PCDHGA2: variants seen among roughly 807,000 people sequenced by gnomAD.
The protein encoded by PCDHGA2 is protocadherin gamma-A2.
Under a neutral mutation model 59.2 loss-of-function variants are expected in PCDHGA2, and 40 were observed. The ratio of observed to expected loss-of-function variants is 0.68; its 90% confidence interval spans 0.52 to 0.88. PCDHGA2 has a LOEUF of 0.88. Among genes scored for constraint, PCDHGA2 ranks in the 40% least tolerant of loss-of-function variants. PCDHGA2 has a pLI of 0.00. For synonymous variants in PCDHGA2, 560 were observed against 526.0 expected (o/e 1.06, Z -0.89); for missense variants, 1,226 against 1,204.0 (o/e 1.02, Z -0.27).
chr5:141,450,851 G>T (rs1184272833), intron 1 of PCDHGA2, among the ~76,000 whole-genome samples: 1 of 142,602 alleles, frequency 7.0e-6, no homozygotes, highest in Non-Finnish European at 1.5e-5. Context: ...TTGAGATGGG[G>T]TCTTGCTCTG....
intron 1 of PCDHGA2, chr5:141,390,882 G>C (rs892294372): frequency 6.5e-6 from 1 of 152,824 alleles, no homozygotes; most frequent in Admixed American, 6.5e-5. Flanking sequence ...GTGTGTGTGT[G>C]TGTGTGAGAG....
chr5:141,374,158 G>A (rs1471227184), intron 1 of PCDHGA2: 6 of 1,612,290 alleles, frequency 3.7e-6, no homozygotes, highest in African/African-American at 1.3e-5. Context: ...CGCTGTGGGG[G>A]GCCGCGGCAG....
At chr5:141,362,608 T>C in intron 1 of PCDHGA2, 1 of 1,564,044 alleles carries the variant, frequency 6.4e-7, no homozygotes, top group Non-Finnish European at 8.7e-7. Flanking sequence ...TTCACCTAAT[T>C]TGGGTAGGAA....
intron 1 of PCDHGA2, chr5:141,362,678 T>C: frequency 8.3e-7 from 1 of 1,209,742 alleles, no homozygotes; most frequent in Admixed American, 2.9e-5. Flanking sequence ...GCCTTAATTG[T>C]CTTAATCTTA....
chr5:141,394,152 G>A lies in PCDHGA2; in HGVS notation c.2424+52757G>A, dbSNP rs141035845. 5.0e-3 allele frequency: 8,040 copies of A among 1,613,782 alleles called. 48 individuals are homozygous for A. Among genetic ancestry groups the A allele is most frequent in the Admixed American group, 9.4e-3 (566 of 59,984 alleles). On this transcript the variant is annotated intron_variant, in intron 1 of 3. Coordinates refer to ENST00000394576, the MANE Select transcript of PCDHGA2 (RefSeq NM_018915.4). ...CGCTCTGCACGTGGCAGACATTAAC[G>A]ACAACCCTCCTACTTTCCCTCATGC...
chr5:141,393,584 A>G, intron 1 of PCDHGA2: 1 of 1,613,892 alleles, frequency 6.2e-7, no homozygotes, highest in African/African-American at 1.3e-5. Context: ...ACATGCCCCC[A>G]GGCACGCGGC....
Position 141,485,665 on chromosome 5 carries a change from C to G in PCDHGA2, c.2425-9142C>G. ...AGGCTCAGGATGCAGATGTGGGGAG[C>G]AATTCGATTAGCAGCTATAGGCTGA... On this transcript the variant is annotated intron_variant, in intron 1 of 3. Coordinates refer to ENST00000394576, the MANE Select transcript of PCDHGA2 (RefSeq NM_018915.4). This position sits in a 1 kb window ranked among gnomAD's most constrained non-coding sequence, Gnocchi z 5.7. 1 of 1,612,622 alleles carries G rather than the reference C, an allele frequency of 6.2e-7. No individual in the cohort carries two copies.
intron 1 of PCDHGA2, chr5:141,360,343 G>A (rs1761549826): frequency 6.2e-7 from 1 of 1,613,806 alleles, no homozygotes; most frequent in African/African-American, 1.3e-5. Flanking sequence ...GCGGGTTAGC[G>A]CGGAGAAGGA....
At chr5:141,445,808 T>A (rs1004030960) in intron 1 of PCDHGA2, among the ~76,000 whole-genome samples, 1 of 152,182 alleles carries the variant, frequency 6.6e-6, no homozygotes, top group Non-Finnish European at 1.5e-5. Flanking sequence ...AATAAATAGA[T>A]GAAACTAATA....
At chr5:141,472,412 G>C (rs1283620276) in intron 1 of PCDHGA2, among the ~76,000 whole-genome samples, 1 of 152,058 alleles carries the variant, frequency 6.6e-6, no homozygotes, top group Non-Finnish European at 1.5e-5. Context: ...GTGGTGGCAC[G>C]CACCTGTATC....
intron 1 of PCDHGA2, chr5:141,407,873 A>G (rs561323423): frequency 2.0e-5 from 7 of 354,686 alleles, no homozygotes; most frequent in African/African-American, 1.3e-4. Context: ...CGAAGAATAT[A>G]TACATTTCGG....
chr5:141,420,318 T>C, intron 1 of PCDHGA2: 1 of 1,446,376 alleles, frequency 6.9e-7, no homozygotes, highest in Non-Finnish European at 9.3e-7. Context: ...TATTACAATA[T>C]GCCAATATAT....
At chr5:141,350,187 C>T (rs1487170338) in intron 1 of PCDHGA2, 9 of 1,358,066 alleles carry the variant, frequency 6.6e-6, no homozygotes, top group Non-Finnish European at 8.8e-6. Context: ...GCTCAAATCA[C>T]AGAAGTCCAG....
chr5:141,468,282 G>A (rs1368214716), intron 1 of PCDHGA2, among the ~76,000 whole-genome samples: 1 of 140,012 alleles, frequency 7.1e-6, no homozygotes, highest in African/African-American at 2.7e-5. Context: ...CCGAGACCAC[G>A]CCATTGCACC....
rs779656906 is a variant in PCDHGA2 at position 141,476,872 on chromosome 5, C to T, written c.2425-17935C>T. On this transcript the variant is annotated intron_variant, in intron 1 of 3. Transcript: ENST00000394576. The surrounding 1 kb of genome is among the most constrained non-coding windows in gnomAD (Gnocchi z 7.6). ...TCAACCAGTCCTTGTACCGGGCGCG[C>T]GTCCTGGAGGATGCACCCTCCGGCA... 1.6e-4 allele frequency: 254 copies of T among 1,613,734 alleles called. No individual in the cohort carries two copies. The highest frequency in any genetic ancestry group is 2.1e-4 in the Non-Finnish European group (248 of 1,180,054).
At chr5:141,436,053 A>G (rs971342534) in intron 1 of PCDHGA2, among the ~76,000 whole-genome samples, 2 of 152,232 alleles carry the variant, frequency 1.3e-5, no homozygotes, top group African/African-American at 2.4e-5. Flanking sequence ...TAGTTTTCAA[A>G]TAGAATTTAA....
Position 141,372,197 on chromosome 5 carries a change from C to T in PCDHGA2, c.2424+30802C>T, listed in dbSNP as rs57763341. 308 of 1,613,590 alleles carry T rather than the reference C, an allele frequency of 1.9e-4. No individual in the cohort carries two copies. The East Asian group carries it at 3.9e-3, about 20-fold the overall frequency. On this transcript the variant is annotated intron_variant, in intron 1 of 3. Transcript: ENST00000394576. ...CGGTGGACGCAGACTCGGGATACAA[C>T]GCCTGGCTGTCCTACCACATTGTGC... is the stretch of plus-strand genomic sequence containing the variant.
At chr5:141,434,338 G>A (rs1037038534) in intron 1 of PCDHGA2, among the ~76,000 whole-genome samples, 5 of 152,086 alleles carry the variant, frequency 3.3e-5, no homozygotes, top group East Asian at 1.9e-4. Context: ...TCTTTGTGTC[G>A]GGAACAGGCC....
In PCDHGA2 at chr5:141,510,915, A is replaced by G; in HGVS notation, c.2573-32A>G. 8 of 1,613,786 alleles carry G rather than the reference A, an allele frequency of 5.0e-6. No individual in the cohort carries two copies. The South Asian group carries it at 8.8e-5, about 18-fold the overall frequency. ...AGTGACTGTTGAGGACCCTAAGTTT[A>G]GCTCCCACCTGATCTTCCTCTGTCT... On this transcript the variant is annotated intron_variant, in intron 3 of 3. Coordinates refer to ENST00000394576, the MANE Select transcript of PCDHGA2 (RefSeq NM_018915.4).
Sources: gnomAD v4.1 joint callset for allele counts (sites outside exome capture counted in the v4.1 genomes callset) on GRCh38, gnomAD v4.1.1 for gene constraint, Gnocchi (gnomAD v3.1) non-coding constraint, MANE v1.5 for transcripts, NCBI Gene and HGNC (gene_info 2026-07-23, HGNC 2026-07-21) for gene names.